The following NDUFA5 variants were observed in gnomAD, a reference collection of about 807,000 sequenced individuals.
NDUFA5 encodes the protein NADH dehydrogenase [ubiquinone] 1 alpha subcomplex subunit 5.
A neutral mutation model predicts 19.8 loss-of-function variants in NDUFA5; 11 were observed. The observed-to-expected ratio is 0.56, with a 90% CI of 0.35 to 0.92. The LOEUF (loss-of-function observed/expected upper bound fraction) is 0.92. Among genes scored for constraint, NDUFA5 ranks in the 40% least tolerant of loss-of-function variants. The pLI, the probability that NDUFA5 is intolerant of heterozygous loss-of-function variation, is 0.01. For missense variants in NDUFA5, 109 were observed against 134.2 expected (o/e 0.81, Z 0.93); for synonymous variants, 47 against 46.8 (o/e 1.00, Z -0.01).
chr7:123,566,670 A>G, the NDUFA5 span, among the ~76,000 whole-genome samples: 1 of 152,224 alleles, frequency 6.6e-6, no homozygotes, highest in Admixed American at 6.5e-5. Context: ...TTAAAGATAC[A>G]TGTGCATGTA....
At chr7:123,600,132 C>T in the NDUFA5 span, among the ~76,000 whole-genome samples, 1 of 152,142 alleles carries the variant, frequency 6.6e-6, no homozygotes, top group Admixed American at 6.5e-5. Flanking sequence ...ATTGTATCAT[C>T]ATCATCATCA....
the NDUFA5 span, among the ~76,000 whole-genome samples, chr7:123,579,922 G>C: frequency 6.6e-6 from 1 of 151,982 alleles, no homozygotes; most frequent in South Asian, 2.1e-4. Flanking sequence ...CTCATTTATT[G>C]AATGGCCACA....
At chr7:123,588,666 C>T in the NDUFA5 span, among the ~76,000 whole-genome samples, 1 of 148,936 alleles carries the variant, frequency 6.7e-6, no homozygotes, top group South Asian at 2.1e-4. Flanking sequence ...TAAAGTTAGG[C>T]TATTTATTTG....
At chr7:123,558,234 A>G (rs1438751747), upstream of NDUFA5, 3 of 198,308 alleles carry the variant, frequency 1.5e-5, no homozygotes, top group African/African-American at 6.9e-5. Context: ...TGATCTCTCA[A>G]CAGCAAGTTA....
At chr7:123,551,219 T>G (rs1798325405) in intron 2 of NDUFA5, 1 of 149,774 alleles carries the variant, frequency 6.7e-6, no homozygotes, top group African/African-American at 2.5e-5. Flanking sequence ...TTCTTTTTTT[T>G]TTTTTTGAAA....
chr7:123,560,019 T>C (rs1297067525), upstream of NDUFA5, among the ~76,000 whole-genome samples: 1 of 152,018 alleles, frequency 6.6e-6, no homozygotes, highest in Non-Finnish European at 1.5e-5. Flanking sequence ...ATTTCAAAAA[T>C]ACAAAGTTGG....
At chr7:123,567,036 T>A in the NDUFA5 span, 4 of 152,352 alleles carry the variant, frequency 2.6e-5, no homozygotes, top group South Asian at 8.3e-4. Context: ...TTCTGCTGTA[T>A]CATATTTGCT....
the NDUFA5 span, among the ~76,000 whole-genome samples, chr7:123,565,790 G>GTCTCCC: frequency 1.3e-5 from 2 of 152,212 alleles, no homozygotes; most frequent in East Asian, 3.8e-4. Context: ...GCCAAGGCGG[G>GTCTCCC]TGGATTTCCT....
At chr7:123,585,450 C>T in the NDUFA5 span, among the ~76,000 whole-genome samples, 3 of 151,710 alleles carry the variant, frequency 2.0e-5, no homozygotes, top group South Asian at 6.2e-4. Context: ...CATCAGCACC[C>T]TTTGACCTGG....
Position 123,542,062 on chromosome 7 carries a change from AT to A in NDUFA5, c.*56del, listed in dbSNP as rs1472849699. 7.9e-6 allele frequency: 10 copies of A among 1,262,330 alleles called. No individual in the cohort carries two copies. The African/African-American group carries it at 1.5e-4, about 19-fold the overall frequency. The allele number at this position is 1,262,330 out of a possible 1,614,324, so 78.2% of individuals were successfully genotyped here. A position where few individuals can be genotyped will look rare whatever the true frequency, so the allele number is the denominator to read the frequency against. On this transcript the variant is annotated 3_prime_UTR_variant, in exon 5 of 5. Transcript: ENST00000355749. ...TCAGTAATAAGAACACGCTCTTAAT[AT>A]AACAGAATATTTAATTACATCAGTT...
At chr7:123,592,856 T>C in the NDUFA5 span, among the ~76,000 whole-genome samples, 1 of 152,176 alleles carries the variant, frequency 6.6e-6, no homozygotes, top group Non-Finnish European at 1.5e-5. Context: ...ATCTGTCCAA[T>C]ATTGACAGTG....
chr7:123,580,279 A>G, the NDUFA5 span, among the ~76,000 whole-genome samples: 1 of 152,200 alleles, frequency 6.6e-6, no homozygotes, highest in East Asian at 1.9e-4. Flanking sequence ...CCTCAGGTGC[A>G]TGGCAGGCCG....
the NDUFA5 span, among the ~76,000 whole-genome samples, chr7:123,584,011 G>A: frequency 1.3e-5 from 2 of 151,802 alleles, no homozygotes; most frequent in Non-Finnish European, 2.9e-5. Flanking sequence ...GGTTAGCCCC[G>A]GAGTTCATCC....
the NDUFA5 span, among the ~76,000 whole-genome samples, chr7:123,567,993 A>G: frequency 1.3e-5 from 2 of 152,134 alleles, no homozygotes; most frequent in African/African-American, 4.8e-5. Flanking sequence ...ACTTCTAAAA[A>G]GTGTCCATAC....
At position 123,542,057 on chromosome 7, in the gene NDUFA5, T is replaced by G; in HGVS notation, c.*62A>C. The G allele has an allele frequency of 1.7e-6, 2 of 1,209,126 alleles. No homozygotes were observed. The highest frequency in any genetic ancestry group is 2.3e-6 in the Non-Finnish European group (2 of 855,090). The allele number at this position is 1,209,126 out of a possible 1,614,324, so 74.9% of individuals were successfully genotyped here. On this transcript the variant is annotated 3_prime_UTR_variant, in exon 5 of 5. Coordinates refer to ENST00000355749, the MANE Select transcript of NDUFA5 (RefSeq NM_005000.5). ...AAATGTCAGTAATAAGAACACGCTCTTAATATAACAGAATATTTAATTACA... is the reference window on the plus strand; with the variant it reads ...AAATGTCAGTAATAAGAACACGCTCGTAATATAACAGAATATTTAATTACA...
At chr7:123,591,671 CTTTTT>C in the NDUFA5 span, among the ~76,000 whole-genome samples, 1 of 152,074 alleles carries the variant, frequency 6.6e-6, no homozygotes, top group South Asian at 2.1e-4. Context: ...GGTGGATATG[CTTTTT>C]GACGTGTTGC....
chr7:123,597,786 G>A, the NDUFA5 span, among the ~76,000 whole-genome samples: 2 of 152,066 alleles, frequency 1.3e-5, no homozygotes, highest in Non-Finnish European at 2.9e-5. Flanking sequence ...AGCTGAGATC[G>A]CACCACTGCA....
At chr7:123,547,069 C>T (rs1798159607) in intron 3 of NDUFA5, among the ~76,000 whole-genome samples, 1 of 152,046 alleles carries the variant, frequency 6.6e-6, no homozygotes, top group African/African-American at 2.4e-5. Flanking sequence ...AGACCACAAG[C>T]CAATAAATGC....
the NDUFA5 span, among the ~76,000 whole-genome samples, chr7:123,583,795 G>A: frequency 6.6e-6 from 1 of 151,822 alleles, no homozygotes; most frequent in Non-Finnish European, 1.5e-5. Flanking sequence ...GTAGAGGGGG[G>A]ACAAGATGGA....
Sources: gnomAD v4.1 joint callset for allele counts (sites outside exome capture counted in the v4.1 genomes callset) on GRCh38, gnomAD v4.1.1 for gene constraint, MANE v1.5 for transcripts, NCBI Gene and HGNC (gene_info 2026-07-23, HGNC 2026-07-21) for gene names.